CORO1C: variants seen among roughly 807,000 people sequenced by gnomAD.
The protein encoded by CORO1C is coronin 1C.
A neutral mutation model predicts 51.2 loss-of-function variants in CORO1C; 14 were observed. The ratio of observed to expected loss-of-function variants is 0.27; its 90% CI spans 0.18 to 0.43. CORO1C has a LOEUF of 0.43. Ranked by LOEUF, CORO1C falls within the 20% of genes least tolerant of loss-of-function variation. CORO1C has a pLI of 1.00. For synonymous variants in CORO1C, 181 were observed against 210.5 expected, an observed-to-expected ratio of 0.86 and a Z score of 1.21; for missense variants, 417 against 607.8, an observed-to-expected ratio of 0.69 and a Z score of 3.30.
intron 2 of CORO1C, among the ~76,000 whole-genome samples, chr12:108,700,473 A>G (rs1282271156): frequency 6.6e-6 from 1 of 152,202 alleles, no homozygotes; most frequent in Non-Finnish European, 1.5e-5. Context: ...GGATAAAGGA[A>G]GGAGGAGGGC....
At chr12:108,713,574 A>T (rs1010876884) in intron 1 of CORO1C, among the ~76,000 whole-genome samples, 2 of 152,256 alleles carry the variant, frequency 1.3e-5, no homozygotes, top group Admixed American at 1.3e-4. Flanking sequence ...TCTACCAAGA[A>T]GCCTCCAGGC....
chr12:108,688,466 A>C (rs986268042), intron 2 of CORO1C, among the ~76,000 whole-genome samples: 1 of 152,222 alleles, frequency 6.6e-6, no homozygotes, highest in African/African-American at 2.4e-5. Flanking sequence ...GAAATTCAAC[A>C]TTGGGAATTT....
chr12:108,673,082 T>A (rs1326604008), intron 3 of CORO1C, among the ~76,000 whole-genome samples: 1 of 152,134 alleles, frequency 6.6e-6, no homozygotes, highest in African/African-American at 2.4e-5. Flanking sequence ...AAATAAAAAA[T>A]TAGAAATGAT....
At chr12:108,652,474 T>TA in intron 7 of CORO1C, 57 bp from the exon 8 acceptor site, 1 of 1,450,864 alleles carries the variant, frequency 6.9e-7, no homozygotes, top group South Asian at 1.2e-5. Context: ...ATCTGGATTA[T>TA]GGGGGTGTCT....
intron 1 of CORO1C, among the ~76,000 whole-genome samples, chr12:108,716,202 A>G (rs951865640): frequency 6.7e-6 from 1 of 149,886 alleles, no homozygotes; most frequent in Non-Finnish European, 1.5e-5. Context: ...TTGATGACCT[A>G]CTTTTCTTAT....
intron 2 of CORO1C, among the ~76,000 whole-genome samples, chr12:108,678,706 T>A (rs765920531): frequency 4.1e-4 from 60 of 144,670 alleles, no homozygotes; most frequent in Non-Finnish European, 6.7e-4. Context: ...ATTAAAAGGA[T>A]GTTCCATGGC....
At chr12:108,678,826 T>C (rs554566241) in intron 2 of CORO1C, among the ~76,000 whole-genome samples, 1 of 151,200 alleles carries the variant, frequency 6.6e-6, no homozygotes, top group African/African-American at 2.4e-5. Context: ...TGAATGGCAC[T>C]ATTAAAATGT....
chr12:108,701,235 C>A lies in CORO1C; in HGVS notation c.84G>T (p.Arg28=). ...VKNDQCYDDI[R]VSRVTWDSSF... is the part of the protein sequence containing the mutation. ...AACTATCCCAGGTCACACGAGAAAC[C>A]CGGATGTCATCATAGCACTGGTCAT... The change falls in exon 2 of 11, where the codon CGG becomes CGT. Residue 28 remains arginine (R), a synonymous_variant. Coordinates refer to ENST00000261401, the MANE Select transcript of CORO1C (RefSeq NM_014325.4). 1 of 1,614,150 alleles carries A rather than the reference C, an allele frequency of 6.2e-7. No individual in the cohort carries two copies. Among genetic ancestry groups the A allele is most frequent in the Non-Finnish European group, 8.5e-7 (1 of 1,180,030 alleles).
chr12:108,687,406 G>A (rs1048713705), intron 2 of CORO1C, among the ~76,000 whole-genome samples: 2 of 152,134 alleles, frequency 1.3e-5, no homozygotes, highest in Non-Finnish European at 2.9e-5. Context: ...AGGATCACCT[G>A]AGCCCAGGAG....
At chr12:108,703,313 A>G in intron 1 of CORO1C, among the ~76,000 whole-genome samples, 1 of 152,254 alleles carries the variant, frequency 6.6e-6, no homozygotes, top group East Asian at 1.9e-4. Context: ...AACCCAACAG[A>G]AAATTAGACA....
At chr12:108,673,710 T>C (rs940768575) in intron 3 of CORO1C, among the ~76,000 whole-genome samples, 5 of 152,124 alleles carry the variant, frequency 3.3e-5, no homozygotes, top group Non-Finnish European at 7.4e-5. Flanking sequence ...CCAATGCTCA[T>C]TTACCGCACC....
intron 3 of CORO1C, among the ~76,000 whole-genome samples, chr12:108,673,495 G>A (rs984803587): frequency 3.3e-5 from 5 of 152,190 alleles, no homozygotes; most frequent in Non-Finnish European, 5.9e-5. Context: ...CAAGTTATCC[G>A]GAAGGTCTGG....
chr12:108,690,123 C>T (rs1231364850), intron 2 of CORO1C, among the ~76,000 whole-genome samples: 2 of 152,150 alleles, frequency 1.3e-5, no homozygotes, highest in Admixed American at 1.3e-4. Flanking sequence ...AAGGGGACAG[C>T]GGCATGGAAA....
chr12:108,689,828 CT>C (rs1376550629), intron 2 of CORO1C, among the ~76,000 whole-genome samples: 2 of 152,058 alleles, frequency 1.3e-5, no homozygotes, highest in Non-Finnish European at 2.9e-5. Flanking sequence ...TTATTTTTGG[CT>C]TTGGGTGATA....
intron 2 of CORO1C, among the ~76,000 whole-genome samples, chr12:108,687,841 G>A (rs536070842): frequency 6.6e-6 from 1 of 151,688 alleles, no homozygotes; most frequent in East Asian, 1.9e-4. Context: ...AAATGATATT[G>A]CTTAGCTGTA....
intron 1 of CORO1C, among the ~76,000 whole-genome samples, chr12:108,719,135 T>C (rs1428638084): frequency 6.6e-6 from 1 of 152,222 alleles, no homozygotes; most frequent in African/African-American, 2.4e-5. Flanking sequence ...AAAATTATAA[T>C]CTTTAATTCT....
chr12:108,649,305 C>T, intron 8 of CORO1C: 1 of 465,448 alleles, frequency 2.1e-6, no homozygotes, highest in South Asian at 2.5e-5. Flanking sequence ...GGGGGACAGA[C>T]CAACTGTGGT....
rs1198489939 is a variant in CORO1C at position 108,648,833 on chromosome 12, A to G, written c.1077T>C (p.Asp359=). The G allele has an allele frequency of 6.2e-7, 1 of 1,614,130 alleles. No homozygotes were observed. Among genetic ancestry groups the G allele is most frequent in the Non-Finnish European group, 8.5e-7 (1 of 1,180,042 alleles). Residue 359 remains aspartate, a synonymous_variant, in exon 10 of 11, where the codon GAT becomes GAC. Coordinates refer to ENST00000261401, the MANE Select transcript of CORO1C (RefSeq NM_014325.4). ...TVPRKSDLFQ[D]DLYPDTAGPE... ...GCCCCGCTGTGTCAGGATACAGGTC[A>G]TCTTGGAAAAGGTCAGACTACAAGA...
intron 2 of CORO1C, among the ~76,000 whole-genome samples, chr12:108,688,404 C>T (rs2034375330): frequency 6.6e-6 from 1 of 152,222 alleles, no homozygotes; most frequent in South Asian, 2.1e-4. Flanking sequence ...TTTAAAGCAG[C>T]TAGTGGTGTA....
Sources: gnomAD v4.1 joint callset for allele counts (sites outside exome capture counted in the v4.1 genomes callset) on GRCh38, gnomAD v4.1.1 for gene constraint, MANE v1.5 for transcripts, NCBI Gene and HGNC (gene_info 2026-07-23, HGNC 2026-07-21) for gene names.